The following CYP4A22 variants were observed in gnomAD, a reference collection of about 807,000 sequenced individuals.
CYP4A22 encodes the protein cytochrome P450 family 4 subfamily A member 22.
Under a neutral mutation model 56.2 loss-of-function variants are expected in CYP4A22, and 46 were observed. The observed-to-expected ratio is 0.82, with a 90% CI of 0.65 to 1.05. The LOEUF (loss-of-function observed/expected upper bound fraction) is 1.05, where lower values mean the gene tolerates loss of function less well. CYP4A22 is among the 50% of genes least tolerant of loss of function. CYP4A22 has a pLI of 0.00. For synonymous variants in CYP4A22, 193 were observed against 251.1 expected (o/e 0.77, Z 2.19); for missense variants, 541 against 645.9 (o/e 0.84, Z 1.76).
intron 2 of CYP4A22, 29 bp downstream of exon 2, chr1:47,140,950 A>G (rs1345070245): frequency 6.2e-7 from 1 of 1,612,008 alleles, no homozygotes; most frequent in African/African-American, 1.3e-5. Context: ...CCCAACTGCA[A>G]TTTCTCTTCC....
chr1:47,143,975 T>C lies in CYP4A22; in HGVS notation c.790+59T>C, dbSNP rs558608539. Reference sequence around the variant, plus strand: ...CCAGGCACAGTGAAAGTACCTGCCCTGACTCCTCAGGCAGAGAAGGTCCCT... The same window carrying C: ...CCAGGCACAGTGAAAGTACCTGCCCCGACTCCTCAGGCAGAGAAGGTCCCT... On this transcript the variant is annotated intron_variant, in intron 6 of 11. Transcript: ENST00000371891. The C allele has an allele frequency of 1.3e-5, 20 of 1,552,726 alleles. No homozygotes were observed. The East Asian group carries it at 4.5e-4, about 35-fold the overall frequency.
At chr1:47,143,047 T>A (rs532668136) in intron 4 of CYP4A22, among the ~76,000 whole-genome samples, 4 of 152,380 alleles carry the variant, frequency 2.6e-5, no homozygotes, top group Admixed American at 1.3e-4. Context: ...ATCTGTTGAA[T>A]GTTGTATTAA....
At position 47,143,923 on chromosome 1, in the gene CYP4A22, T is replaced by C. The variant is rs1645043489; in HGVS notation, c.790+7T>C. On this transcript the variant is annotated splice_region_variant and intron_variant, in intron 6 of 11. Transcript: ENST00000371891. ...CTGGCCCATCAGCACACAGGTTCTG[T>C]CTCTTCCTCTTGTCTCCCAGCCTTT... 6.2e-7 allele frequency: 1 copy of C among 1,604,430 alleles called. No homozygotes were observed. The highest frequency in any genetic ancestry group is 2.2e-5 in the East Asian group (1 of 44,746).
At chr1:47,143,146 C>G in intron 4 of CYP4A22, 123 bp from the exon 5 acceptor site, 1 of 1,509,580 alleles carries the variant, frequency 6.6e-7, no homozygotes, top group East Asian at 2.3e-5. Flanking sequence ...GTGAAGAATC[C>G]CAACCAAGAT....
In CYP4A22 at chr1:47,143,828, T is replaced by A; in HGVS notation, c.702T>A (p.Asn234Lys). The A allele has an allele frequency of 6.2e-7, 1 of 1,614,172 alleles. No homozygotes were observed. Residue 234 changes from asparagine (N) to lysine (K), a missense_variant, in exon 6 of 12, where the codon AAT (asparagine) becomes AAA (lysine). Physicochemically the swap from Asn to Lys is moderately conservative, Grantham distance 94. Around this residue, in one of 3 missense-constraint regions of CYP4A22, gnomAD observed 335 missense variants for 361.2 expected, o/e 0.93. Coordinates refer to ENST00000371891, the MANE Select transcript of CYP4A22 (RefSeq NM_001010969.4). ...LNSLVFCCMRNAFHENDTIYS... is the reference protein window; with the variant it reads ...LNSLVFCCMRKAFHENDTIYS... ...GCCTGGTTTTTTGCTGTATGAGGAA[T>A]GCCTTTCATGAGAATGACACCATCT...
In CYP4A22 at chr1:47,143,367, C is replaced by A. The variant is rs1332718019; in HGVS notation, c.609C>A (p.Ser203Arg). Residue 203 changes from serine (S) to arginine (R), a missense_variant, in exon 5 of 12, where the codon AGC (serine) becomes AGA (arginine). Physicochemically the swap from Ser to Arg is moderately radical, Grantham distance 110 (BLOSUM62 -1). This residue lies in a region of CYP4A22 where 335 missense variants were observed against 361.2 expected (regional missense o/e 0.93). Coordinates refer to ENST00000371891, the MANE Select transcript of CYP4A22 (RefSeq NM_001010969.4). ...ACACCATCATGAAGAGTGCCTTCAGCCATCAGGGCAGCATCCAGGTGGACA... is the reference window on the plus strand; with the variant it reads ...ACACCATCATGAAGAGTGCCTTCAGACATCAGGGCAGCATCCAGGTGGACA... ...TLDTIMKSAF[S>R]HQGSIQVDRN... is the part of the protein sequence containing the mutation. 1 of 1,613,848 alleles carries A rather than the reference C, an allele frequency of 6.2e-7. No individual in the cohort carries two copies. Among genetic ancestry groups the A allele is most frequent in the Non-Finnish European group, 8.5e-7 (1 of 1,179,814 alleles).
At chr1:47,142,467 G>A (rs1170474149) in intron 4 of CYP4A22, among the ~76,000 whole-genome samples, 1 of 152,208 alleles carries the variant, frequency 6.6e-6, no homozygotes, top group African/African-American at 2.4e-5. Context: ...AGAGATTCAT[G>A]GTGAACACAA....
At chr1:47,145,770 A>T in intron 9 of CYP4A22, 96 bp from the exon 10 acceptor site, 1 of 1,520,434 alleles carries the variant, frequency 6.6e-7, no homozygotes, top group Non-Finnish European at 9.0e-7. Context: ...TATAGAAAGT[A>T]GGTGTTTTGG....
chr1:47,144,237 C>T (rs550560426), intron 6 of CYP4A22, 120 bp from the exon 7 acceptor site: 726 of 1,329,802 alleles, frequency 5.5e-4, no homozygotes, highest in Non-Finnish European at 7.2e-4. Flanking sequence ...TGACCCTGCA[C>T]CCACACTCAC....
Position 47,148,602 on chromosome 1 carries a change from G to T in CYP4A22, c.1365G>T (p.Arg455Ser). Reference sequence around the variant, plus strand: ...AATTCATTGTCTCCGCCTGGCCCAGGAACTGCATCGGGAAACAATTTGCCA... The same window carrying T: ...AATTCATTGTCTCCGCCTGGCCCAGTAACTGCATCGGGAAACAATTTGCCA... ...HAFLPFSGGS[R>S]NCIGKQFAMN... The change falls in exon 12 of 12, where the codon AGG becomes AGT. Residue 455 changes from arginine to serine, a missense_variant and splice_region_variant. Coordinates refer to ENST00000371891, the MANE Select transcript of CYP4A22 (RefSeq NM_001010969.4). 6.2e-7 allele frequency: 1 copy of T among 1,608,238 alleles called. No homozygotes were observed. The highest frequency in any genetic ancestry group is 8.5e-7 in the Non-Finnish European group (1 of 1,176,804).
intron 1 of CYP4A22, among the ~76,000 whole-genome samples, chr1:47,137,940 A>G (rs188744932): frequency 1.4e-3 from 205 of 150,494 alleles, no homozygotes; most frequent in Non-Finnish European, 2.4e-3. Context: ...AGTCCTGCAC[A>G]TGGAGGGCAA....
chr1:47,146,272 G>C, intron 11 of CYP4A22, 119 bp downstream of exon 11: 1 of 1,585,304 alleles, frequency 6.3e-7, no homozygotes, highest in Non-Finnish European at 8.6e-7. Flanking sequence ...TTAAATATTG[G>C]TATTTGTGGG....
Position 47,145,941 on chromosome 1 carries a change from C to A in CYP4A22, c.1287+11C>A, listed in dbSNP as rs555541337. 3 of 1,614,100 alleles carry A rather than the reference C, an allele frequency of 1.9e-6. No individual in the cohort carries two copies. Among genetic ancestry groups the A allele is most frequent in the Admixed American group, 3.3e-5 (2 of 60,014 alleles). On this transcript the variant is annotated intron_variant, in intron 10 of 11. Transcript: ENST00000371891. The stretch of plus-strand genomic sequence containing the variant: ...TGGCCCAACCTAGAGGTATGTGGTC[C>A]TTGAGAGGAGGAAATGGGGTGATCT...
chr1:47,146,713 T>C (rs1040828088), intron 11 of CYP4A22: 2 of 991,030 alleles, frequency 2.0e-6, no homozygotes, highest in Non-Finnish European at 2.4e-6. Flanking sequence ...AAGAAAGTTT[T>C]ACAACAGTGT....
rs1330973752 is a variant in CYP4A22 at position 47,149,585 on chromosome 1, A to G, written c.*788A>G. On this transcript the variant is annotated 3_prime_UTR_variant, in exon 12 of 12. Coordinates refer to ENST00000371891, the MANE Select transcript of CYP4A22 (RefSeq NM_001010969.4). ...CCTGGTGTTGGGTCCGATAACCCCA[A>G]CATCCCTGAATCTCCACCCACCTCC... 1 of 151,848 alleles carries G rather than the reference A, an allele frequency of 6.6e-6. No homozygotes were observed. The highest frequency in any genetic ancestry group is 2.4e-5 in the African/African-American group (1 of 41,318). 9.4% of individuals were successfully genotyped at this position (151,848 alleles called of 1,614,324 possible). A position where few individuals can be genotyped will look rare whatever the true frequency, so the allele number is the denominator to read the frequency against.
Position 47,145,005 on chromosome 1 carries a change from C to T in CYP4A22, c.1222+35C>T, listed in dbSNP as rs939937119. 3 of 1,612,018 alleles carry T rather than the reference C, an allele frequency of 1.9e-6. No individual in the cohort carries two copies. In the African/African-American group the frequency reaches 4.0e-5, roughly 22 times the overall value. On this transcript the variant is annotated intron_variant, in intron 9 of 11. Coordinates refer to ENST00000371891, the MANE Select transcript of CYP4A22 (RefSeq NM_001010969.4). ...TTCCCCACCCTCTCACCCAAAGTCT[C>T]CACGGGGACGTGTGGAGGGTGAGAA...
At chr1:47,141,723 C>A (rs1266602531) in intron 3 of CYP4A22, 108 bp downstream of exon 3, 17 of 1,407,148 alleles carry the variant, frequency 1.2e-5, no homozygotes, top group Non-Finnish European at 1.6e-5. Context: ...TGACCTCATC[C>A]CCAAATCAAG....
intron 9 of CYP4A22, among the ~76,000 whole-genome samples, chr1:47,145,414 C>G (rs1360882470): frequency 6.6e-6 from 1 of 152,168 alleles, no homozygotes; most frequent in Admixed American, 6.5e-5. Context: ...AGCCTCAACT[C>G]CCCCAGTTCT....
intron 11 of CYP4A22, chr1:47,147,157 G>A: frequency 1.0e-6 from 1 of 985,416 alleles, no homozygotes; most frequent in Non-Finnish European, 1.2e-6. Context: ...CAAATGGTGA[G>A]TCCACTTACA....
Sources: gnomAD v4.1 joint callset for allele counts (sites outside exome capture counted in the v4.1 genomes callset) on GRCh38, gnomAD v4.1.1 for gene constraint, gnomAD v4.1.1 regional missense constraint, MANE v1.5 for transcripts, NCBI Gene and HGNC (gene_info 2026-07-23, HGNC 2026-07-21) for gene names.